Variants in SYT17 observed in about 807,000 individuals in gnomAD.
SYT17 encodes the protein synaptotagmin-17.
In SYT17, 22 loss-of-function variants were observed where a neutral mutation model predicts 46.7. The observed-to-expected ratio is 0.47, with a 90% CI of 0.34 to 0.67. The LOEUF (loss-of-function observed/expected upper bound fraction) is 0.67, where lower values mean the gene tolerates loss of function less well. SYT17 is among the 30% of genes least tolerant of loss of function. The pLI, the probability that SYT17 is intolerant of heterozygous loss-of-function variation, is 0.01. For synonymous variants in SYT17, 251 were observed against 248.4 expected (o/e 1.01, Z -0.10); for missense variants, 519 against 612.8 (o/e 0.85, Z 1.62).
At chr16:19,207,069 G>T (rs532785259) in intron 5 of SYT17, among the ~76,000 whole-genome samples, 1 of 152,272 alleles carries the variant, frequency 6.6e-6, no homozygotes, top group East Asian at 1.9e-4. Flanking sequence ...AGAGCTGGTT[G>T]TTTAAAAGAG....
chr16:19,181,999 C>CA (rs371941934), intron 4 of SYT17, among the ~76,000 whole-genome samples: 21,891 of 81,634 alleles, frequency 0.27, 1,995 homozygotes, highest in African/African-American at 0.36. Flanking sequence ...AACTCTGTCT[C>CA]AAAAAAAAAA....
At chr16:19,227,795 C>A (rs572442499) in intron 7 of SYT17, among the ~76,000 whole-genome samples, 1 of 152,272 alleles carries the variant, frequency 6.6e-6, no homozygotes, top group African/African-American at 2.4e-5. Context: ...GTATTAAACA[C>A]CTTCTGTGCC....
rs962584633 is a variant in SYT17 at position 19,223,082 on chromosome 16, A to G, written c.989A>G (p.Asn330Ser). Residue 330 changes from asparagine to serine, a missense_variant, in exon 6 of 8, where the codon AAT becomes AGT. Transcript: ENST00000355377. ...CTGGGGGAGCTGCTTCTGTCACTGA[A>G]TTATCTCCCAAGTGCTGGCAGACTG... ...VELGELLLSL[N>S]YLPSAGRLNV... The G allele has an allele frequency of 6.2e-7, 1 of 1,613,898 alleles. No individual in the cohort carries two copies.
At chr16:19,193,443 T>A (rs904321696) in intron 5 of SYT17, among the ~76,000 whole-genome samples, 1 of 152,238 alleles carries the variant, frequency 6.6e-6, no homozygotes, top group Non-Finnish European at 1.5e-5. Flanking sequence ...TTTCCGAACA[T>A]TGCTTCAACC....
intron 7 of SYT17, among the ~76,000 whole-genome samples, chr16:19,260,544 A>AG (rs1173137848): frequency 2.0e-5 from 3 of 150,164 alleles, no homozygotes; most frequent in Admixed American, 2.0e-4. Flanking sequence ...GAAAAAAAAA[A>AG]GAATTCGTTC....
At chr16:19,220,303 C>CTTTTTTT (rs1555459738) in intron 5 of SYT17, among the ~76,000 whole-genome samples, 17,808 of 79,690 alleles carry the variant, frequency 0.22, 2,897 homozygotes, top group African/African-American at 0.33. Context: ...TTCTTTCTTT[C>CTTTTTTT]TTTTTTTTTT....
At chr16:19,264,741 A>G (rs1177965039) in intron 7 of SYT17, among the ~76,000 whole-genome samples, 1 of 151,994 alleles carries the variant, frequency 6.6e-6, no homozygotes, top group Admixed American at 6.6e-5. Flanking sequence ...ACAGGCACAC[A>G]CCACTATGTC....
chr16:19,191,338 AG>A (rs1965011886), intron 5 of SYT17, among the ~76,000 whole-genome samples: 1 of 152,202 alleles, frequency 6.6e-6, no homozygotes, highest in Non-Finnish European at 1.5e-5. Flanking sequence ...TTAGGCCATG[AG>A]GGCAGAGCTG....
At chr16:19,170,989 A>G (rs567898828) in intron 1 of SYT17, 22 of 152,162 alleles carry the variant, frequency 1.4e-4, no homozygotes, top group African/African-American at 5.3e-4. Flanking sequence ...TCCCACCTCA[A>G]CAGCACGCCT....
chr16:19,175,628 G>A (rs547370127), intron 3 of SYT17, among the ~76,000 whole-genome samples: 27 of 123,280 alleles, frequency 2.2e-4, no homozygotes, highest in Admixed American at 1.4e-3. Context: ...TCCAGCTTGC[G>A]CAACAGAGCA....
At chr16:19,229,587 T>A (rs1307020683) in intron 7 of SYT17, among the ~76,000 whole-genome samples, 1 of 152,134 alleles carries the variant, frequency 6.6e-6, no homozygotes. Context: ...CACATGAGAT[T>A]TGGGTGGGGA....
chr16:19,258,411 C>T (rs1209450396), intron 7 of SYT17, among the ~76,000 whole-genome samples: 2 of 152,106 alleles, frequency 1.3e-5, no homozygotes, highest in Admixed American at 6.6e-5. Flanking sequence ...GAGGCTGAGG[C>T]AGGCGAATCA....
chr16:19,199,327 CT>C, intron 5 of SYT17, among the ~76,000 whole-genome samples: 1 of 152,306 alleles, frequency 6.6e-6, no homozygotes, highest in East Asian at 1.9e-4. Context: ...TAATGAGTGA[CT>C]CACCTAAAGT....
At chr16:19,236,242 G>A (rs144127633) in intron 7 of SYT17, among the ~76,000 whole-genome samples, 38 of 152,202 alleles carry the variant, frequency 2.5e-4, no homozygotes, top group Middle Eastern at 3.4e-3. Context: ...GCTGAACCTC[G>A]GTTTTTTTCT....
chr16:19,240,168 G>T, intron 7 of SYT17, among the ~76,000 whole-genome samples: 1 of 152,178 alleles, frequency 6.6e-6, no homozygotes, highest in East Asian at 1.9e-4. Flanking sequence ...CCTGTAGTGT[G>T]GCAAACAAGG....
At chr16:19,189,542 G>A (rs952740237) in intron 5 of SYT17, among the ~76,000 whole-genome samples, 1 of 152,104 alleles carries the variant, frequency 6.6e-6, no homozygotes, top group Non-Finnish European at 1.5e-5. Context: ...TAGAGATGGA[G>A]TCTCATTATT....
At chr16:19,177,272 G>A (rs1226366087) in intron 3 of SYT17, among the ~76,000 whole-genome samples, 1 of 152,118 alleles carries the variant, frequency 6.6e-6, no homozygotes, top group Non-Finnish European at 1.5e-5. Flanking sequence ...CATTCACATG[G>A]TGGCCATTAT....
chr16:19,213,799 G>C (rs758811672), intron 5 of SYT17, among the ~76,000 whole-genome samples: 1 of 152,138 alleles, frequency 6.6e-6, no homozygotes, highest in Non-Finnish European at 1.5e-5. Flanking sequence ...CGAGTAGTTG[G>C]GATTAGAGGC....
intron 5 of SYT17, among the ~76,000 whole-genome samples, chr16:19,221,337 A>G (rs1267000438): frequency 6.6e-6 from 1 of 152,184 alleles, no homozygotes; most frequent in East Asian, 1.9e-4. Context: ...GGTCAAGTAA[A>G]GAATCTTTGT....
Sources: allele counts gnomAD v4.1 joint callset (sites outside exome capture counted in the v4.1 genomes callset), GRCh38; gene constraint gnomAD v4.1.1; transcripts MANE v1.5; gene names NCBI Gene and HGNC (gene_info 2026-07-23, HGNC 2026-07-21).